ZNF146: variants seen among roughly 807,000 people sequenced by gnomAD.
ZNF146 encodes the protein zinc finger protein OZF.
Under a neutral mutation model 22.2 loss-of-function variants are expected in ZNF146, and 9 were observed. The ratio of observed to expected loss-of-function variants is 0.41; its 90% CI spans 0.24 to 0.71. The LOEUF (loss-of-function observed/expected upper bound fraction) is 0.71. Ranked by LOEUF, ZNF146 falls within the 30% of genes least tolerant of loss-of-function variation. The pLI is 0.34. For missense variants in ZNF146, 194 were observed against 344.8 expected (o/e 0.56, Z 3.46); for synonymous variants, 108 against 119.2 (o/e 0.91, Z 0.61).
At chr19:36,215,648 A>G (rs1321263373) in intron 1 of ZNF146, among the ~76,000 whole-genome samples, 1 of 152,070 alleles carries the variant, frequency 6.6e-6, no homozygotes, top group Non-Finnish European at 1.5e-5. Flanking sequence ...GTGGCATGCA[A>G]ATCACCGTGA....
At chr19:36,221,931 T>TC (rs1017265543) in intron 2 of ZNF146, among the ~76,000 whole-genome samples, 1 of 124,966 alleles carries the variant, frequency 8.0e-6, no homozygotes, top group Non-Finnish European at 1.8e-5. Context: ...TTCTTTCTTT[T>TC]TTTTTTTTTT....
At chr19:36,227,355 C>T (rs573507770) in intron 2 of ZNF146, among the ~76,000 whole-genome samples, 1 of 149,946 alleles carries the variant, frequency 6.7e-6, no homozygotes, top group South Asian at 2.1e-4. Flanking sequence ...CGTCACTGCA[C>T]TCCCAGCCTG....
intron 3 of ZNF146, among the ~76,000 whole-genome samples, chr19:36,229,124 A>G (rs1450779501): frequency 6.6e-6 from 1 of 152,124 alleles, no homozygotes; most frequent in Non-Finnish European, 1.5e-5. Context: ...GTCCTCACAC[A>G]TTGTCCTTTA....
Position 36,238,423 on chromosome 19 carries a change from A to T in ZNF146, c.*1104A>T, listed in dbSNP as rs1977724452. On this transcript the variant is annotated 3_prime_UTR_variant, in exon 4 of 4. Transcript: ENST00000443387. ...AATGAGTGTGGGAGGTGGGATGGGT[A>T]TTGGTTAAAGGGGACTTCAGCTTTT... is the stretch of plus-strand genomic sequence containing the variant. 1 of 167,090 alleles carries T rather than the reference A, an allele frequency of 6.0e-6. No individual in the cohort carries two copies. The highest frequency in any genetic ancestry group is 1.5e-5 in the Non-Finnish European group (1 of 68,124). The allele number at this position is 167,090 out of a possible 1,614,324, so 10.4% of individuals were successfully genotyped here.
At chr19:36,215,711 G>A (rs1976573561) in intron 1 of ZNF146, among the ~76,000 whole-genome samples, 1 of 151,824 alleles carries the variant, frequency 6.6e-6, no homozygotes, top group Non-Finnish European at 1.5e-5. Flanking sequence ...GTTTCGGGGT[G>A]CCTACTTCAG....
chr19:36,223,392 T>TAG (rs1274388336), intron 2 of ZNF146, among the ~76,000 whole-genome samples: 1 of 151,806 alleles, frequency 6.6e-6, no homozygotes, highest in East Asian at 1.9e-4. Flanking sequence ...AGATGGAGTA[T>TAG]CTCTCCGTCC....
At chr19:36,216,343 A>C (rs1976604233) in intron 1 of ZNF146, among the ~76,000 whole-genome samples, 1 of 152,152 alleles carries the variant, frequency 6.6e-6, no homozygotes, top group African/African-American at 2.4e-5. Flanking sequence ...TGAATGTATT[A>C]ATTTACTGTG....
At chr19:36,231,497 C>A (rs1977369808) in intron 3 of ZNF146, among the ~76,000 whole-genome samples, 1 of 152,322 alleles carries the variant, frequency 6.6e-6, no homozygotes, top group South Asian at 2.1e-4. Context: ...GCGGGAGCCA[C>A]TACACCTGGA....
chr19:36,229,152 C>T (rs1228412656), intron 3 of ZNF146, among the ~76,000 whole-genome samples: 1 of 152,208 alleles, frequency 6.6e-6, no homozygotes, highest in Non-Finnish European at 1.5e-5. Context: ...TAAAACCTTA[C>T]ATATTGTCTG....
intron 2 of ZNF146, among the ~76,000 whole-genome samples, chr19:36,220,487 C>T (rs1198790312): frequency 6.6e-6 from 1 of 152,058 alleles, no homozygotes; most frequent in Non-Finnish European, 1.5e-5. Context: ...GCTTCAGCCT[C>T]CCGAGTAGCT....
intron 2 of ZNF146, among the ~76,000 whole-genome samples, chr19:36,221,679 C>T (rs1421741763): frequency 6.6e-6 from 1 of 152,116 alleles, no homozygotes; most frequent in Non-Finnish European, 1.5e-5. Flanking sequence ...ACAGAGATAT[C>T]TCATTCTGCT....
At chr19:36,215,864 TTATCC>T (rs1976581639) in intron 1 of ZNF146, among the ~76,000 whole-genome samples, 1 of 152,194 alleles carries the variant, frequency 6.6e-6, no homozygotes, top group Admixed American at 6.5e-5. Context: ...TTAGGCACAG[TTATCC>T]TCATTTTTTG....
intron 2 of ZNF146, among the ~76,000 whole-genome samples, chr19:36,220,538 G>T (rs539955077): frequency 1.3e-5 from 2 of 151,994 alleles, no homozygotes; most frequent in African/African-American, 4.8e-5. Flanking sequence ...CTAAGTTTTT[G>T]TATTTTTAGT....
Position 36,236,268 on chromosome 19 carries a change from G to T in ZNF146, c.-173G>T. 1 of 765,032 alleles carries T rather than the reference G, an allele frequency of 1.3e-6. No homozygotes were observed. Among genetic ancestry groups the T allele is most frequent in the Non-Finnish European group, 2.0e-6 (1 of 501,144 alleles). The allele number at this position is 765,032 out of a possible 1,614,324, so 47.4% of individuals were successfully genotyped here. A position where few individuals can be genotyped will look rare whatever the true frequency, so the allele number is the denominator to read the frequency against. Reference sequence around the variant, plus strand: ...AGAAAGCATTGAATATACTGAGTATGATAACATTTCCTCTCAAACCTTATC... The same window carrying T: ...AGAAAGCATTGAATATACTGAGTATTATAACATTTCCTCTCAAACCTTATC... On this transcript the variant is annotated 5_prime_UTR_variant, in exon 4 of 4. It removes an upstream start codon present in the reference 5' UTR. Coordinates refer to ENST00000443387, the MANE Select transcript of ZNF146 (RefSeq NM_007145.3).
At chr19:36,227,128 C>T (rs1214125174) in intron 2 of ZNF146, among the ~76,000 whole-genome samples, 2 of 150,930 alleles carry the variant, frequency 1.3e-5, no homozygotes, top group East Asian at 1.9e-4. Flanking sequence ...GTGGCTCACA[C>T]CTGTAATCCC....
chr19:36,221,740 T>A (rs910266828), intron 2 of ZNF146, among the ~76,000 whole-genome samples: 2 of 152,228 alleles, frequency 1.3e-5, no homozygotes, highest in African/African-American at 4.8e-5. Flanking sequence ...TGTCTTGTTT[T>A]TTTTTGTTTG....
intron 2 of ZNF146, among the ~76,000 whole-genome samples, chr19:36,222,187 G>A (rs1004208518): frequency 2.6e-5 from 4 of 152,128 alleles, no homozygotes. Context: ...GCTTCCCAAA[G>A]TGTTGGGATT....
intron 2 of ZNF146, among the ~76,000 whole-genome samples, chr19:36,227,290 G>A (rs1977113079): frequency 1.3e-5 from 2 of 151,408 alleles, no homozygotes; most frequent in African/African-American, 4.8e-5. Context: ...TCGGGAGGCT[G>A]AGGCAGGAGA....
Position 36,238,556 on chromosome 19 carries a change from TC to T in ZNF146, c.*1238del, listed in dbSNP as rs1977730842. 6.0e-6 allele frequency: 1 copy of T among 167,086 alleles called. No homozygotes were observed. The allele number at this position is 167,086 out of a possible 1,614,324, so 10.4% of individuals were successfully genotyped here. ...TATCTTGTCTTATTTTTTGTACTTTTCTGTATTTTTAAAATTTCTCAAAATA... is the reference window on the plus strand; with the variant it reads ...TATCTTGTCTTATTTTTTGTACTTTTTGTATTTTTAAAATTTCTCAAAATA... On this transcript the variant is annotated 3_prime_UTR_variant, in exon 4 of 4. Coordinates refer to ENST00000443387, the MANE Select transcript of ZNF146 (RefSeq NM_007145.3).
Sources: allele counts gnomAD v4.1 joint callset (sites outside exome capture counted in the v4.1 genomes callset), GRCh38; gene constraint gnomAD v4.1.1; transcripts MANE v1.5; gene names NCBI Gene and HGNC (gene_info 2026-07-23, HGNC 2026-07-21).